HECW2: variants seen among roughly 807,000 people sequenced by gnomAD.
HECW2 encodes HECT, C2 and WW domain containing E3 ubiquitin protein ligase 2.
Under a neutral mutation model 175.2 loss-of-function variants are expected in HECW2, and 61 were observed. The ratio of observed to expected loss-of-function variants is 0.35; its 90% CI spans 0.28 to 0.43. The LOEUF (loss-of-function observed/expected upper bound fraction) is 0.43. Ranked by LOEUF, HECW2 falls within the 20% of genes least tolerant of loss-of-function variation. The pLI, the probability that HECW2 is intolerant of heterozygous loss-of-function variation, is 1.00. For missense variants in HECW2, 1,524 were observed against 2,000.5 expected (o/e 0.76, Z 4.54); for synonymous variants, 671 against 731.0 (o/e 0.92, Z 1.32).
At chr2:196,549,614 C>A (rs114631227) in intron 1 of HECW2, among the ~76,000 whole-genome samples, 1 of 150,340 alleles carries the variant, frequency 6.7e-6, no homozygotes, top group Non-Finnish European at 1.5e-5. Flanking sequence ...TTTTTAACAT[C>A]CCCACATCCT....
chr2:196,279,111 C>T (rs1202871397), intron 14 of HECW2, among the ~76,000 whole-genome samples: 2 of 152,060 alleles, frequency 1.3e-5, no homozygotes, highest in Admixed American at 6.5e-5. Context: ...TGCAGTGGCG[C>T]GATCTCAGCT....
intron 2 of HECW2, among the ~76,000 whole-genome samples, chr2:196,356,526 T>G (rs967839929): frequency 1.3e-5 from 2 of 152,216 alleles, no homozygotes; most frequent in Non-Finnish European, 2.9e-5. Flanking sequence ...AGCAGGTCCA[T>G]ACTGTAGATG....
At chr2:196,534,346 A>G (rs1688947562) in intron 1 of HECW2, among the ~76,000 whole-genome samples, 2 of 152,126 alleles carry the variant, frequency 1.3e-5, no homozygotes, top group Non-Finnish European at 1.5e-5. Flanking sequence ...TGCCTCATGC[A>G]CTAAACTGCT....
At chr2:196,567,151 T>C (rs1017350969) in intron 1 of HECW2, among the ~76,000 whole-genome samples, 1 of 152,098 alleles carries the variant, frequency 6.6e-6, no homozygotes, top group Non-Finnish European at 1.5e-5. Context: ...GGGGTACAAA[T>C]GTGGATGAGG....
chr2:196,419,763 T>C (rs1311933813), intron 2 of HECW2, among the ~76,000 whole-genome samples: 3 of 152,222 alleles, frequency 2.0e-5, no homozygotes, highest in African/African-American at 7.2e-5. Context: ...TGTTATCTTG[T>C]TCCACCTTCA....
rs139251909 is a variant in HECW2, at chr2:196,318,800, G to C, written c.2090C>G (p.Ser697Trp). Residue 697 changes from serine to tryptophan, a missense_variant, in exon 9 of 29, where the codon TCG becomes TGG. This residue lies in a region of HECW2 where 604 missense variants were observed against 588.3 expected (regional missense o/e 1.03). Transcript: ENST00000644978. ...ACCAGCAGTGCACACGGATTCCTGCGACCCTTCGGCAGGGCCACTGCTGGT... is the reference window on the plus strand; with the variant it reads ...ACCAGCAGTGCACACGGATTCCTGCCACCCTTCGGCAGGGCCACTGCTGGT... ...EPTSSGPAEG[S>W]QESVCTAGSL... 3 of 1,526,796 alleles carry C rather than the reference G, an allele frequency of 2.0e-6. No individual in the cohort carries two copies. Among genetic ancestry groups the C allele is most frequent in the Non-Finnish European group, 2.6e-6 (3 of 1,135,966 alleles). 94.6% of individuals were successfully genotyped at this position (1,526,796 alleles called of 1,614,324 possible).
intron 15 of HECW2, among the ~76,000 whole-genome samples, chr2:196,274,898 C>T (rs1444265188): frequency 2.6e-5 from 4 of 152,164 alleles, no homozygotes; most frequent in Non-Finnish European, 4.4e-5. Context: ...CCCCATATTA[C>T]AGAAATCTTT....
intron 13 of HECW2, among the ~76,000 whole-genome samples, chr2:196,295,059 T>G (rs1247689293): frequency 2.0e-5 from 3 of 152,204 alleles, no homozygotes; most frequent in African/African-American, 2.4e-5. Context: ...GAACCATCCT[T>G]GAACCTTAAT....
At chr2:196,259,386 T>G (rs1689192661) in intron 17 of HECW2, among the ~76,000 whole-genome samples, 1 of 152,210 alleles carries the variant, frequency 6.6e-6, no homozygotes, top group Non-Finnish European at 1.5e-5. Flanking sequence ...AAAAATTCCC[T>G]AATGCATAGA....
At chr2:196,406,605 T>G (rs765663129) in intron 2 of HECW2, among the ~76,000 whole-genome samples, 52 of 152,222 alleles carry the variant, frequency 3.4e-4, no homozygotes, top group Non-Finnish European at 6.6e-4. Context: ...AAACTCCTTA[T>G]GTTGGTTGAC....
chr2:196,417,079 TA>T (rs1404981390), intron 2 of HECW2, among the ~76,000 whole-genome samples: 3 of 152,252 alleles, frequency 2.0e-5, no homozygotes, highest in Non-Finnish European at 2.9e-5. Flanking sequence ...ACACATTACT[TA>T]ATCCATCTAA....
intron 14 of HECW2, 73 bp downstream of exon 14, chr2:196,292,492 G>A (rs1690637900): frequency 3.9e-6 from 5 of 1,295,180 alleles, no homozygotes; most frequent in Non-Finnish European, 5.5e-6. Flanking sequence ...CACTTGAAGG[G>A]TAGGGCCAAG....
chr2:196,363,097 C>A (rs1029898682), intron 2 of HECW2, among the ~76,000 whole-genome samples: 1 of 152,104 alleles, frequency 6.6e-6, no homozygotes. Context: ...GTGAACACAG[C>A]AAGCCAGGCA....
chr2:196,307,894 A>T, intron 11 of HECW2, 41 bp downstream of exon 11: 1 of 1,436,058 alleles, frequency 7.0e-7, no homozygotes, highest in Non-Finnish European at 9.3e-7. Context: ...AATTAGCCCA[A>T]CCACAAAATA....
At chr2:196,476,490 T>A (rs1466472696) in intron 1 of HECW2, among the ~76,000 whole-genome samples, 1 of 150,714 alleles carries the variant, frequency 6.6e-6, no homozygotes, top group Non-Finnish European at 1.5e-5. Context: ...TATCAAGTTG[T>A]TGGGGCAAAA....
Position 196,571,631 on chromosome 2 carries a change from G to A in HECW2, c.-36+21877C>T, listed in dbSNP as rs575614205. On this transcript the variant is annotated intron_variant, in intron 1 of 28. Transcript: ENST00000644978. ...GGCTGAGGCACGAAAGGCATGGGAA[G>A]CGGAGGTTGCAGTGAGCCGAGATCA... Among the ~76,000 whole-genome samples, 13 of 152,150 alleles carry A rather than the reference G, an allele frequency of 8.5e-5. No homozygotes were observed. In the South Asian group the frequency reaches 2.7e-3, roughly 32 times the overall value.
At chr2:196,451,610 T>C (rs1021648511) in intron 1 of HECW2, among the ~76,000 whole-genome samples, 1 of 151,834 alleles carries the variant, frequency 6.6e-6, no homozygotes, top group Non-Finnish European at 1.5e-5. Context: ...CAGAAATGAT[T>C]TCCTGATGGT....
intron 1 of HECW2, among the ~76,000 whole-genome samples, chr2:196,458,461 T>C (rs183804043): frequency 4.0e-4 from 44 of 111,146 alleles, no homozygotes; most frequent in Non-Finnish European, 3.5e-4. Context: ...CACACACACA[T>C]ACACACACCC....
At chr2:196,344,341 A>AAAAAAAAAAAAAAAAAAAAAAAAC in intron 2 of HECW2, among the ~76,000 whole-genome samples, 1 of 150,864 alleles carries the variant, frequency 6.6e-6, no homozygotes, top group African/African-American at 2.4e-5. Flanking sequence ...AAAAAAAAAA[A>AAAAAAAAAAAAAAAAAAAAAAAAC]AAAGAGTCTC....
Sources: allele counts gnomAD v4.1 joint callset (sites outside exome capture counted in the v4.1 genomes callset), GRCh38; gene constraint gnomAD v4.1.1; regional missense constraint gnomAD v4.1.1; transcripts MANE v1.5; gene names NCBI Gene and HGNC (gene_info 2026-07-23, HGNC 2026-07-21).